The following MACROD2 variants were observed in gnomAD, a reference collection of about 807,000 sequenced individuals.
MACROD2 encodes mono-ADP ribosylhydrolase 2.
MACROD2 carries 36 observed loss-of-function variants against 70.4 expected under a neutral mutation model. The observed-to-expected ratio is 0.51, with a 90% CI of 0.39 to 0.68. MACROD2 has a LOEUF of 0.68. Among genes scored for constraint, MACROD2 ranks in the 30% least tolerant of loss-of-function variants. MACROD2 has a pLI of 0.00. For missense variants in MACROD2, 496 were observed against 538.4 expected, an observed-to-expected ratio of 0.92 and a Z score of 0.78; for synonymous variants, 172 against 178.8, an observed-to-expected ratio of 0.96 and a Z score of 0.30.
intron 4 of MACROD2, among the ~76,000 whole-genome samples, chr20:14,618,279 G>C (rs1983596108): frequency 6.6e-6 from 1 of 152,082 alleles, no homozygotes. Context: ...CCACCACCTA[G>C]CTATACCTTA....
At chr20:15,548,094 T>A (rs1158212737) in intron 8 of MACROD2, among the ~76,000 whole-genome samples, 1 of 152,122 alleles carries the variant, frequency 6.6e-6, no homozygotes, top group Non-Finnish European at 1.5e-5. Flanking sequence ...CCTTCCTCCA[T>A]CCATTCATCC....
At chr20:14,270,133 G>A (rs1239364221) in intron 3 of MACROD2, among the ~76,000 whole-genome samples, 1 of 151,868 alleles carries the variant, frequency 6.6e-6, no homozygotes, top group Admixed American at 6.6e-5. Context: ...AATATATAAG[G>A]CTCATAAAGC....
intron 8 of MACROD2, among the ~76,000 whole-genome samples, chr20:15,539,071 G>A (rs2047918370): frequency 6.6e-6 from 1 of 152,036 alleles, no homozygotes; most frequent in African/African-American, 2.4e-5. Context: ...ATTTTATTCT[G>A]TTTTTTCATC....
chr20:14,613,503 A>T (rs1383470855), intron 4 of MACROD2, among the ~76,000 whole-genome samples: 5 of 152,010 alleles, frequency 3.3e-5, no homozygotes, highest in African/African-American at 9.7e-5. Context: ...AGGAAGAAAG[A>T]AGGGTAAGGA....
intron 6 of MACROD2, among the ~76,000 whole-genome samples, chr20:15,326,359 T>C (rs572029078): frequency 7.2e-5 from 11 of 152,226 alleles, no homozygotes; most frequent in Admixed American, 4.6e-4. Context: ...TTAAAATATA[T>C]CTAAAATAAT....
chr20:14,715,319 G>T (rs1600577478), intron 5 of MACROD2, among the ~76,000 whole-genome samples: 1 of 152,134 alleles, frequency 6.6e-6, no homozygotes, highest in South Asian at 2.1e-4. Flanking sequence ...TGGGGATTAT[G>T]GGAACTACAG....
chr20:14,782,151 T>C (rs561559902), intron 5 of MACROD2, among the ~76,000 whole-genome samples: 4 of 152,172 alleles, frequency 2.6e-5, no homozygotes, highest in African/African-American at 7.2e-5. Flanking sequence ...CTTGAACTCC[T>C]GACCTCAAGT....
At chr20:15,523,132 G>A (rs1430644542) in intron 8 of MACROD2, among the ~76,000 whole-genome samples, 5 of 152,070 alleles carry the variant, frequency 3.3e-5, no homozygotes, top group African/African-American at 7.2e-5. Flanking sequence ...AGTCTCTGAC[G>A]AAGCCTTAAG....
chr20:15,818,957 C>CCT (rs1165173342), intron 8 of MACROD2, among the ~76,000 whole-genome samples: 1 of 151,828 alleles, frequency 6.6e-6, no homozygotes, highest in Non-Finnish European at 1.5e-5. Flanking sequence ...GAAGTCAAAG[C>CCT]CGTGAAGTTA....
At chr20:14,652,053 A>G (rs1985705180) in intron 4 of MACROD2, among the ~76,000 whole-genome samples, 1 of 152,176 alleles carries the variant, frequency 6.6e-6, no homozygotes, top group African/African-American at 2.4e-5. Flanking sequence ...GACAGATATC[A>G]AGGCAGGGCA....
chr20:14,610,542 C>A (rs1453762446), intron 4 of MACROD2, among the ~76,000 whole-genome samples: 1 of 151,956 alleles, frequency 6.6e-6, no homozygotes, highest in East Asian at 1.9e-4. Context: ...AATAGTTATT[C>A]TTTGAATGGT....
chr20:14,881,660 G>A (rs1300677796), intron 5 of MACROD2, among the ~76,000 whole-genome samples: 1 of 152,118 alleles, frequency 6.6e-6, no homozygotes, highest in Admixed American at 6.6e-5. Context: ...ATCTCCTCAA[G>A]CTTGTCCATA....
intron 7 of MACROD2, among the ~76,000 whole-genome samples, chr20:15,463,978 T>G (rs1420610070): frequency 6.6e-6 from 1 of 152,162 alleles, no homozygotes; most frequent in Non-Finnish European, 1.5e-5. Context: ...AGCCATTCGA[T>G]GAAGGATCTT....
chr20:15,876,109 A>ATATATATG lies in MACROD2; in HGVS notation c.728-9652_728-9651insATATGTAT, dbSNP rs57817982. Among the ~76,000 whole-genome samples, 507 of 123,962 alleles carry ATATATATG rather than the reference A, an allele frequency of 4.1e-3. 6 individuals are homozygous for ATATATATG. Among genetic ancestry groups the ATATATATG allele is most frequent in the South Asian group, 0.011 (42 of 3,804 alleles). 81.3% of individuals were successfully genotyped at this position (123,962 alleles called of 152,430 possible). A position where few individuals can be genotyped will look rare whatever the true frequency, so the allele number is the denominator to read the frequency against. ...ATGTCTTTTATATATATATATATAT[A>ATATATATG]TATGTGTGTATTTTTTTTATTACAC... is the stretch of plus-strand genomic sequence containing the variant. On this transcript the variant is annotated intron_variant, in intron 9 of 17. Coordinates refer to ENST00000684519, the MANE Select transcript of MACROD2 (RefSeq NM_001351661.2).
intron 8 of MACROD2, among the ~76,000 whole-genome samples, chr20:15,754,036 T>C (rs1015187342): frequency 6.6e-6 from 1 of 152,156 alleles, no homozygotes; most frequent in Non-Finnish European, 1.5e-5. Flanking sequence ...TAAAAAAATG[T>C]AAAAAGAGAG....
chr20:15,559,700 G>A (rs182987151), intron 8 of MACROD2, among the ~76,000 whole-genome samples: 22 of 152,294 alleles, frequency 1.4e-4, no homozygotes, highest in African/African-American at 2.4e-4. Flanking sequence ...GCATCACTGC[G>A]CATGTACAGT....
At chr20:15,920,704 G>A (rs1601134938) in intron 10 of MACROD2, among the ~76,000 whole-genome samples, 2 of 152,158 alleles carry the variant, frequency 1.3e-5, no homozygotes, top group South Asian at 4.1e-4. Context: ...GCCTTTAGCC[G>A]GCAAATGATG....
intron 7 of MACROD2, among the ~76,000 whole-genome samples, chr20:15,454,406 A>AACACAAAC (rs1271722958): frequency 5.7e-4 from 78 of 137,534 alleles, no homozygotes; most frequent in African/African-American, 2.1e-3. Context: ...GACATATTCA[A>AACACAAAC]ACACACACAC....
At chr20:15,483,236 G>A (rs1297306903) in intron 7 of MACROD2, among the ~76,000 whole-genome samples, 1 of 152,026 alleles carries the variant, frequency 6.6e-6, no homozygotes, top group Non-Finnish European at 1.5e-5. Flanking sequence ...TATTTTTTGT[G>A]AAGTGTGTAA....
Sources: gnomAD v4.1 joint callset for allele counts (sites outside exome capture counted in the v4.1 genomes callset) on GRCh38, gnomAD v4.1.1 for gene constraint, MANE v1.5 for transcripts, NCBI Gene and HGNC (gene_info 2026-07-23, HGNC 2026-07-21) for gene names.